VPS13D: variants seen among roughly 807,000 people sequenced by gnomAD.
VPS13D encodes the protein intermembrane lipid transfer protein VPS13D.
Under a neutral mutation model 461.9 loss-of-function variants are expected in VPS13D, and 187 were observed. The observed-to-expected ratio is 0.40, with a 90% CI of 0.36 to 0.46. VPS13D has a LOEUF of 0.46. Among genes scored for constraint, VPS13D ranks in the 20% least tolerant of loss-of-function variants. The pLI, the probability that VPS13D is intolerant of heterozygous loss-of-function variation, is 0.60. For synonymous variants in VPS13D, 1,951 were observed against 1,986.3 expected, an observed-to-expected ratio of 0.98 and a Z score of 0.47; for missense variants, 4,711 against 5,364.9, an observed-to-expected ratio of 0.88 and a Z score of 3.81.
At chr1:12,478,962 C>T in intron 67 of VPS13D, 3 of 450,586 alleles carry the variant, frequency 6.7e-6, no homozygotes, top group Admixed American at 4.7e-5. Context: ...TGTTAATAGC[C>T]TTGCTTTCTG....
At chr1:12,454,530 T>C (rs767016609) in intron 65 of VPS13D, among the ~76,000 whole-genome samples, 1 of 152,192 alleles carries the variant, frequency 6.6e-6, no homozygotes, top group African/African-American at 2.4e-5. Context: ...TTGGACTGAG[T>C]AAAAGGCATG....
rs1640074527 is a variant in VPS13D at position 12,234,205 on chromosome 1, A to G, written c.-62A>G. On this transcript the variant is annotated 5_prime_UTR_variant, in exon 2 of 70. An upstream start codon of the reference 5' UTR is lost. Coordinates refer to ENST00000620676, the MANE Select transcript of VPS13D (RefSeq NM_015378.4). ...TCCTTTCATAGATTTTTCTGTGACCATGAAAGAGAGAAATAAAGAATGATC... is the reference window on the plus strand; with the variant it reads ...TCCTTTCATAGATTTTTCTGTGACCGTGAAAGAGAGAAATAAAGAATGATC... 3 of 1,215,856 alleles carry G rather than the reference A, an allele frequency of 2.5e-6. No homozygotes were observed. Among genetic ancestry groups the G allele is most frequent in the East Asian group, 4.7e-5 (2 of 42,644 alleles). The allele number at this position is 1,215,856 out of a possible 1,614,324, so 75.3% of individuals were successfully genotyped here. A position where few individuals can be genotyped will look rare whatever the true frequency, so the allele number is the denominator to read the frequency against.
chr1:12,272,762 C>T (rs2101342643), intron 17 of VPS13D, among the ~76,000 whole-genome samples: 1 of 152,280 alleles, frequency 6.6e-6, no homozygotes, highest in South Asian at 2.1e-4. Flanking sequence ...TTCTTAAGTA[C>T]AGACTCTCCC....
At chr1:12,306,507 A>G (rs1642568839) in intron 26 of VPS13D, among the ~76,000 whole-genome samples, 1 of 152,232 alleles carries the variant, frequency 6.6e-6, no homozygotes, top group Non-Finnish European at 1.5e-5. Context: ...TTACATATGT[A>G]TTGGTGGATG....
chr1:12,279,607 C>G lies in VPS13D; in HGVS notation c.4559C>G (p.Ser1520Cys), dbSNP rs776582066. 1.2e-6 allele frequency: 2 copies of G among 1,612,748 alleles called. No homozygotes were observed. The highest frequency in any genetic ancestry group is 1.7e-6 in the Non-Finnish European group (2 of 1,179,128). Reference protein sequence around the residue: ...FSLSPDDLGTSSIMKIEGKFV... With the variant: ...FSLSPDDLGTCSIMKIEGKFV... The stretch of plus-strand genomic sequence containing the variant: ...CTTAGCCCAGATGACCTGGGAACTT[C>G]TAGCATCATGAAGATTGAAGGAAAA... The change falls in exon 20 of 70, where the codon TCT (serine) becomes TGT (cysteine). Residue 1520 changes from serine (S) to cysteine (C), a missense_variant. This residue lies in a region of VPS13D where 4,411 missense variants were observed against 4,937.8 expected (regional missense o/e 0.89). Transcript: ENST00000620676. The surrounding 1 kb of genome is among the most constrained non-coding windows in gnomAD (Gnocchi z 4.3).
chr1:12,318,474 A>AG, intron 31 of VPS13D, 137 bp downstream of exon 31: 4 of 1,147,900 alleles, frequency 3.5e-6, no homozygotes, highest in Non-Finnish European at 4.8e-6. Context: ...CAGACCTGCA[A>AG]GCATCAGAGG....
intron 38 of VPS13D, among the ~76,000 whole-genome samples, chr1:12,334,361 C>T (rs940217135): frequency 5.9e-5 from 9 of 152,046 alleles, no homozygotes; most frequent in African/African-American, 2.2e-4. Flanking sequence ...ACATCTCTTA[C>T]TCTAGAAGGT....
chr1:12,236,519 C>T (rs1640152403), intron 2 of VPS13D, among the ~76,000 whole-genome samples: 2 of 151,924 alleles, frequency 1.3e-5, no homozygotes, highest in Non-Finnish European at 2.9e-5. Context: ...CAGCTGGGAC[C>T]ACAGGCATGC....
At chr1:12,268,906 T>A (rs551304640) in intron 16 of VPS13D, 30 bp downstream of exon 16, 1 of 1,593,352 alleles carries the variant, frequency 6.3e-7, no homozygotes, top group South Asian at 1.1e-5. Flanking sequence ...TGATCTTATG[T>A]TCCTTTTGAA....
Position 12,400,267 on chromosome 1 carries a change from C to A in VPS13D, c.11721C>A (p.Gly3907=), listed in dbSNP as rs17038005. The change falls in exon 61 of 70, where the codon GGC becomes GGA. Residue 3907 remains glycine (G), a synonymous_variant. Coordinates refer to ENST00000620676, the MANE Select transcript of VPS13D (RefSeq NM_015378.4). ...LSNENEVIET[G]PAVQVNAVKF... is the part of the protein sequence containing the mutation. ...ATGAGAATGAGGTCATCGAGACCGG[C>A]CCAGCTGTGCAAGTCAACGCAGTGA... The A allele has an allele frequency of 1.3e-3, 2,169 of 1,614,124 alleles. 24 individuals are homozygous for A. In the African/African-American group the frequency reaches 0.019, roughly 14 times the overall value.
At chr1:12,432,676 A>G (rs1420999075) in intron 65 of VPS13D, among the ~76,000 whole-genome samples, 1 of 149,918 alleles carries the variant, frequency 6.7e-6, no homozygotes, top group East Asian at 2.0e-4. Flanking sequence ...TCTCACTGCA[A>G]CCTCTGCTTC....
At chr1:12,306,584 T>C (rs1029103706) in intron 26 of VPS13D, among the ~76,000 whole-genome samples, 1 of 152,244 alleles carries the variant, frequency 6.6e-6, no homozygotes, top group East Asian at 1.9e-4. Context: ...TATCTCCTAC[T>C]GATTTGCTAT....
chr1:12,460,799 G>A (rs1259762871), intron 67 of VPS13D, among the ~76,000 whole-genome samples: 2 of 152,112 alleles, frequency 1.3e-5, no homozygotes, highest in African/African-American at 4.8e-5. Context: ...CTGTCAGATT[G>A]TAGTCTGGTT....
chr1:12,433,915 G>C (rs1431032520), intron 65 of VPS13D, among the ~76,000 whole-genome samples: 3 of 143,584 alleles, frequency 2.1e-5, no homozygotes, highest in East Asian at 2.0e-4. Context: ...GGTAGGGGGT[G>C]GGGAGAGAGA....
chr1:12,430,824 G>T (rs181934735), intron 65 of VPS13D, among the ~76,000 whole-genome samples: 1 of 152,140 alleles, frequency 6.6e-6, no homozygotes, highest in Non-Finnish European at 1.5e-5. Context: ...CCAGTCCTAC[G>T]ATCACTAAGA....
In VPS13D at chr1:12,266,945, T is replaced by G; in HGVS notation, c.1659T>G (p.Gly553=). 6.2e-7 allele frequency: 1 copy of G among 1,611,072 alleles called. No homozygotes were observed. Among genetic ancestry groups the G allele is most frequent in the South Asian group, 1.1e-5 (1 of 90,296 alleles). Residue 553 remains glycine (G), a synonymous_variant, in exon 14 of 70, where the codon GGT becomes GGG. Coordinates refer to ENST00000620676, the MANE Select transcript of VPS13D (RefSeq NM_015378.4). ...RNSSLLSVRL[G]GLFLRDLATE... is the part of the protein sequence containing the mutation. ...CCTCGTTGCTTTCAGTCCGGTTGGGTGGACTGTTTCTTCGAGACCTGGCTA... is the reference window on the plus strand; with the variant it reads ...CCTCGTTGCTTTCAGTCCGGTTGGGGGGACTGTTTCTTCGAGACCTGGCTA...
At chr1:12,254,953 T>C (rs185260112) in intron 7 of VPS13D, among the ~76,000 whole-genome samples, 2 of 151,754 alleles carry the variant, frequency 1.3e-5, no homozygotes, top group East Asian at 1.9e-4. Context: ...CTTTCTTCTT[T>C]TTTTTTTTTT....
At chr1:12,427,914 C>T (rs1011371963) in intron 65 of VPS13D, among the ~76,000 whole-genome samples, 8 of 152,200 alleles carry the variant, frequency 5.3e-5, no homozygotes, top group Non-Finnish European at 8.8e-5. Flanking sequence ...AAAAATGTAT[C>T]TTTCCCTCTT....
chr1:12,441,081 A>G (rs981923990), intron 65 of VPS13D, among the ~76,000 whole-genome samples: 2 of 151,980 alleles, frequency 1.3e-5, no homozygotes, highest in African/African-American at 4.8e-5. Context: ...ATGCGCCACC[A>G]TGCCCGGCTA....
Sources: gnomAD v4.1 joint callset for allele counts (sites outside exome capture counted in the v4.1 genomes callset) on GRCh38, gnomAD v4.1.1 for gene constraint, gnomAD v4.1.1 regional missense constraint, Gnocchi (gnomAD v3.1) non-coding constraint, MANE v1.5 for transcripts, NCBI Gene and HGNC (gene_info 2026-07-23, HGNC 2026-07-21) for gene names.